The following DNER variants were observed in gnomAD, a reference collection of about 807,000 sequenced individuals.
DNER encodes the protein delta and Notch-like epidermal growth factor-related receptor.
A neutral mutation model predicts 78.2 loss-of-function variants in DNER; 33 were observed. The observed-to-expected ratio is 0.42, with a 90% CI of 0.32 to 0.56. DNER has a LOEUF of 0.56. Among genes scored for constraint, DNER ranks in the 20% least tolerant of loss-of-function variants. DNER has a pLI of 0.11. For synonymous variants in DNER, 417 were observed against 384.8 expected (o/e 1.08, Z -0.98); for missense variants, 918 against 975.3 (o/e 0.94, Z 0.78).
intron 8 of DNER, among the ~76,000 whole-genome samples, chr2:229,433,592 C>A (rs955102241): frequency 6.6e-6 from 1 of 152,130 alleles, no homozygotes; most frequent in Admixed American, 6.5e-5. Flanking sequence ...TGAGGATAAA[C>A]AAGTTCATAT....
chr2:229,407,145 A>C, intron 10 of DNER, 87 bp downstream of exon 10: 1 of 1,165,688 alleles, frequency 8.6e-7, no homozygotes, highest in Non-Finnish European at 1.3e-6. Context: ...GCAATATTTT[A>C]TTCATGATGG....
At chr2:229,499,380 G>A (rs1204287015) in intron 6 of DNER, among the ~76,000 whole-genome samples, 1 of 149,800 alleles carries the variant, frequency 6.7e-6, no homozygotes, top group Non-Finnish European at 1.5e-5. Context: ...AGGAAGCAGA[G>A]GTCACAGTGA....
At position 229,439,723 on chromosome 2, in the gene DNER, A is replaced by G. The variant is rs114176411; in HGVS notation, c.1486+7593T>C. 8.9e-3 allele frequency among the ~76,000 whole-genome samples: 1,355 copies of G among 152,318 alleles called. 26 individuals are homozygous for G. The highest frequency in any genetic ancestry group is 0.031 in the African/African-American group (1,298 of 41,560). ...TAGGGAGGTCCCCATCTGACCCTCC[A>G]GGGCCATAAGCTTGATGAGAATGTT... On this transcript the variant is annotated intron_variant, in intron 8 of 12. Coordinates refer to ENST00000341772, the MANE Select transcript of DNER (RefSeq NM_139072.4).
At chr2:229,364,844 CTTTTTTTTTTTTT>C (rs34346714) in intron 12 of DNER, among the ~76,000 whole-genome samples, 1 of 75,478 alleles carries the variant, frequency 1.3e-5, no homozygotes, top group Non-Finnish European at 2.4e-5. Flanking sequence ...CTCTCTCTCT[CTTTTTTTTTTTTT>C]TTTTTTTTTT....
At chr2:229,440,192 C>T (rs17580786) in intron 8 of DNER, among the ~76,000 whole-genome samples, 4,171 of 152,308 alleles carry the variant, frequency 0.027, 92 homozygotes, top group Non-Finnish European at 0.036. Context: ...GTATTAATTT[C>T]TCAGGTCAGA....
intron 12 of DNER, among the ~76,000 whole-genome samples, chr2:229,359,802 A>G (rs1054032581): frequency 6.6e-6 from 1 of 152,228 alleles, no homozygotes; most frequent in South Asian, 2.1e-4. Flanking sequence ...CATTTTAAAC[A>G]GTCATCAATC....
chr2:229,503,397 G>A (rs555987076), intron 6 of DNER, among the ~76,000 whole-genome samples: 1 of 152,224 alleles, frequency 6.6e-6, no homozygotes, highest in East Asian at 1.9e-4. Context: ...TTCCAGAGGT[G>A]GAAAAGTTGA....
chr2:229,705,821 G>A lies in DNER; in HGVS notation c.276+8327C>T, dbSNP rs111923553. On this transcript the variant is annotated intron_variant, in intron 1 of 12. Transcript: ENST00000341772. ...CATCCTGTCAATGATTGAGGAAACG[G>A]GGTTTAGGAAAGCTGATAAGCCTGT... is the stretch of plus-strand genomic sequence containing the variant. Among the ~76,000 whole-genome samples the A allele has an allele frequency of 4.6e-4, 70 of 152,226 alleles. 1 individual carries two copies. The highest frequency in any genetic ancestry group is 1.5e-3 in the African/African-American group (61 of 41,546).
intron 2 of DNER, among the ~76,000 whole-genome samples, chr2:229,589,109 G>T (rs1697554833): frequency 6.6e-6 from 1 of 152,120 alleles, no homozygotes. Context: ...GGTGGGGGGA[G>T]GACTGTGCTC....
chr2:229,430,625 G>T (rs2106354847), intron 8 of DNER, among the ~76,000 whole-genome samples: 1 of 151,812 alleles, frequency 6.6e-6, no homozygotes, highest in South Asian at 2.1e-4. Context: ...GGCTCTCTTT[G>T]CTCCTCAGCC....
intron 5 of DNER, among the ~76,000 whole-genome samples, chr2:229,541,734 T>C (rs975973137): frequency 3.3e-4 from 50 of 151,838 alleles, no homozygotes; most frequent in Admixed American, 5.3e-4. Flanking sequence ...GCTTTTGGAC[T>C]CAAACTGCAA....
chr2:229,661,818 A>G (rs1559199539), intron 1 of DNER, among the ~76,000 whole-genome samples: 1 of 152,192 alleles, frequency 6.6e-6, no homozygotes, highest in South Asian at 2.1e-4. Context: ...GACCCCTTTG[A>G]AAAAACTGGA....
At position 229,641,029 on chromosome 2, in the gene DNER, G is replaced by A. The variant is rs1574939803; in HGVS notation, c.277-49141C>T. Among the ~76,000 whole-genome samples the A allele has an allele frequency of 2.6e-5, 4 of 152,202 alleles. No individual in the cohort carries two copies. In the South Asian group the frequency reaches 8.3e-4, roughly 31 times the overall value. The stretch of plus-strand genomic sequence containing the variant: ...TTGTCTTGGGTCTGGAAGGGGCTAG[G>A]TGGGAGAAAATAAAGCCTTAAAGGC... On this transcript the variant is annotated intron_variant, in intron 1 of 12. Transcript: ENST00000341772.
chr2:229,632,675 G>T (rs950666680), intron 1 of DNER, among the ~76,000 whole-genome samples: 1 of 152,150 alleles, frequency 6.6e-6, no homozygotes, highest in South Asian at 2.1e-4. Context: ...GTACTATTTA[G>T]ACTGCAGTGT....
Position 229,501,308 on chromosome 2 carries a change from C to T in DNER, c.1147+11475G>A, listed in dbSNP as rs1033789171. Among the ~76,000 whole-genome samples the T allele has an allele frequency of 6.9e-5, 10 of 145,278 alleles. No individual in the cohort carries two copies. In the South Asian group the frequency reaches 2.0e-3, roughly 29 times the overall value. ...AAGTGGATTTTAAGTGTTCTCACCA[C>T]AAAGAAATGATAAGTATGTTAGGTT... On this transcript the variant is annotated intron_variant, in intron 6 of 12. Transcript: ENST00000341772.
At chr2:229,524,508 T>C (rs2154212653) in intron 5 of DNER, among the ~76,000 whole-genome samples, 2 of 152,324 alleles carry the variant, frequency 1.3e-5, no homozygotes, top group Middle Eastern at 6.8e-3. Flanking sequence ...CCCAGGATGG[T>C]TGACTGGTCC....
intron 2 of DNER, among the ~76,000 whole-genome samples, chr2:229,590,159 T>C (rs952436978): frequency 4.6e-5 from 7 of 152,152 alleles, no homozygotes; most frequent in Admixed American, 4.6e-4. Context: ...CACTCCCCAG[T>C]GTCACTTCAA....
intron 4 of DNER, among the ~76,000 whole-genome samples, chr2:229,585,610 A>G (rs1697480395): frequency 6.6e-6 from 1 of 151,974 alleles, no homozygotes; most frequent in African/African-American, 2.4e-5. Flanking sequence ...CAGTGAGCCA[A>G]GATCGCGCCA....
chr2:229,385,502 T>C (rs960415718), intron 11 of DNER, among the ~76,000 whole-genome samples: 40 of 152,092 alleles, frequency 2.6e-4, no homozygotes, highest in Non-Finnish European at 4.7e-4. Flanking sequence ...AAATAAAGGG[T>C]ATTCAAATAA....
Sources: allele counts gnomAD v4.1 joint callset (sites outside exome capture counted in the v4.1 genomes callset), GRCh38; gene constraint gnomAD v4.1.1; transcripts MANE v1.5; gene names NCBI Gene and HGNC (gene_info 2026-07-23, HGNC 2026-07-21).